Variants in UBASH3B observed in about 807,000 individuals in gnomAD.
UBASH3B encodes the protein ubiquitin associated and SH3 domain containing B.
UBASH3B carries 37 observed loss-of-function variants against 83.4 expected under a neutral mutation model. That is an observed-to-expected ratio of 0.44 (90% CI 0.34 to 0.58). The LOEUF is 0.58. Among genes scored for constraint, UBASH3B ranks in the 20% least tolerant of loss-of-function variants. The pLI is 0.01. For missense variants in UBASH3B, 657 were observed against 827.2 expected, an observed-to-expected ratio of 0.79 and a Z score of 2.52; for synonymous variants, 304 against 318.3, an observed-to-expected ratio of 0.96 and a Z score of 0.48.
At chr11:122,725,994 T>C (rs1860734101) in intron 1 of UBASH3B, among the ~76,000 whole-genome samples, 1 of 152,182 alleles carries the variant, frequency 6.6e-6, no homozygotes, top group South Asian at 2.1e-4. Flanking sequence ...ACCCGGCCCC[T>C]TGTTTCATTT....
intron 1 of UBASH3B, among the ~76,000 whole-genome samples, chr11:122,744,898 T>TGTGTGTGTGTGTGTGTGC (rs1293701124): frequency 1.9e-5 from 2 of 107,802 alleles, no homozygotes; most frequent in African/African-American, 5.8e-5. Flanking sequence ...TGTGTGTGTG[T>TGTGTGTGTGTGTGTGTGC]GCGCGCGCGC....
intron 1 of UBASH3B, among the ~76,000 whole-genome samples, chr11:122,681,663 C>T (rs977954176): frequency 2.0e-5 from 3 of 151,514 alleles, no homozygotes; most frequent in Non-Finnish European, 2.9e-5. Context: ...GTAATAGGCA[C>T]AGGTTCATAT....
At chr11:122,673,552 G>A (rs1235448339) in intron 1 of UBASH3B, among the ~76,000 whole-genome samples, 22 of 152,132 alleles carry the variant, frequency 1.4e-4, no homozygotes, top group African/African-American at 4.3e-4. Context: ...CCAGCTACTC[G>A]GGAGGCTGAG....
intron 1 of UBASH3B, among the ~76,000 whole-genome samples, chr11:122,685,565 G>T (rs1384149518): frequency 6.6e-6 from 1 of 152,114 alleles, no homozygotes; most frequent in African/African-American, 2.4e-5. Flanking sequence ...CACCCAAGCT[G>T]AAGTGCAGTG....
Position 122,796,193 on chromosome 11 carries a change from G to A in UBASH3B, c.1151G>A (p.Arg384Gln), listed in dbSNP as rs780762834. Residue 384 changes from arginine (R) to glutamine (Q), a missense_variant, in exon 8 of 14, where the codon CGA becomes CAA. This residue lies in a region of UBASH3B where 573 missense variants were observed against 739.0 expected (regional missense o/e 0.78). Transcript: ENST00000284273. ...RVNSQPGPQKRCLFVCRHGER... is the reference protein window; with the variant it reads ...RVNSQPGPQKQCLFVCRHGER... ...AACAGCCAGCCCGGCCCCCAGAAGCGATGCCTTTTTGTGTGTCGGCATGGT... is the reference window on the plus strand; with the variant it reads ...AACAGCCAGCCCGGCCCCCAGAAGCAATGCCTTTTTGTGTGTCGGCATGGT... 5 of 1,614,134 alleles carry A rather than the reference G, an allele frequency of 3.1e-6. No homozygotes were observed. Among genetic ancestry groups the A allele is most frequent in the Admixed American group, 1.7e-5 (1 of 60,024 alleles).
intron 1 of UBASH3B, among the ~76,000 whole-genome samples, chr11:122,697,370 G>T (rs888325970): frequency 4.6e-5 from 7 of 152,188 alleles, no homozygotes; most frequent in Non-Finnish European, 8.8e-5. Context: ...GGAGGTGGAG[G>T]TTGCAGTGAG....
chr11:122,783,356 A>T, intron 5 of UBASH3B, 134 bp downstream of exon 5: 2 of 1,054,062 alleles, frequency 1.9e-6, no homozygotes, highest in Non-Finnish European at 2.7e-6. Flanking sequence ...CCGTTGGCTC[A>T]GGATTGTGTC....
intron 1 of UBASH3B, among the ~76,000 whole-genome samples, chr11:122,732,892 C>T (rs11605150): frequency 0.012 from 1,846 of 152,260 alleles, 38 homozygotes; most frequent in African/African-American, 0.042. Context: ...TGGCAGAATC[C>T]TACCTGCCTT....
At chr11:122,722,994 C>T (rs958174994) in intron 1 of UBASH3B, among the ~76,000 whole-genome samples, 2 of 152,146 alleles carry the variant, frequency 1.3e-5, no homozygotes, top group Non-Finnish European at 2.9e-5. Context: ...CGTGAGCCAC[C>T]GCGCCCGGCC....
At chr11:122,720,286 C>T (rs886715065) in intron 1 of UBASH3B, among the ~76,000 whole-genome samples, 2 of 152,172 alleles carry the variant, frequency 1.3e-5, no homozygotes, top group South Asian at 2.1e-4. Context: ...TTGGAGTCAC[C>T]CTTAGCGCCT....
chr11:122,724,425 G>A (rs11218776), intron 1 of UBASH3B, among the ~76,000 whole-genome samples: 1 of 152,228 alleles, frequency 6.6e-6, no homozygotes, highest in Non-Finnish European at 1.5e-5. Flanking sequence ...AGAGGGCATA[G>A]AGGCAACCAC....
intron 1 of UBASH3B, among the ~76,000 whole-genome samples, chr11:122,737,901 A>G (rs1239492126): frequency 6.6e-6 from 1 of 152,138 alleles, no homozygotes; most frequent in African/African-American, 2.4e-5. Context: ...TTACCCGGAG[A>G]GAATGAGTAG....
chr11:122,777,469 C>A (rs1403553813), intron 3 of UBASH3B, among the ~76,000 whole-genome samples: 1 of 152,210 alleles, frequency 6.6e-6, no homozygotes, highest in Non-Finnish European at 1.5e-5. Context: ...GAGGGACACA[C>A]TGGTCTGGCT....
At chr11:122,764,387 G>A (rs1439225210) in intron 1 of UBASH3B, among the ~76,000 whole-genome samples, 3 of 152,000 alleles carry the variant, frequency 2.0e-5, no homozygotes, top group South Asian at 2.1e-4. Context: ...TTCTGAAAAC[G>A]AAAAAAACGA....
At chr11:122,751,603 C>T (rs1007634111) in intron 1 of UBASH3B, among the ~76,000 whole-genome samples, 32 of 152,218 alleles carry the variant, frequency 2.1e-4, no homozygotes, top group African/African-American at 7.5e-4. Context: ...TGAGGCCTCA[C>T]ACAGGCAATG....
Position 122,813,068 on chromosome 11 carries a change from A to T in UBASH3B, c.*3182A>T, listed in dbSNP as rs1418533888. The stretch of plus-strand genomic sequence containing the variant: ...ATACTTTAACCAAAGAATTATTTTA[A>T]AGTAACCTTATATTTAAAAGATGAT... On this transcript the variant is annotated 3_prime_UTR_variant, in exon 14 of 14. Transcript: ENST00000284273. The T allele has an allele frequency of 1.3e-5, 2 of 152,642 alleles. No individual in the cohort carries two copies. The highest frequency in any genetic ancestry group is 4.8e-5 in the African/African-American group (2 of 41,470). The allele number at this position is 152,642 out of a possible 1,614,324, so 9.5% of individuals were successfully genotyped here.
intron 1 of UBASH3B, among the ~76,000 whole-genome samples, chr11:122,695,122 C>A (rs1002122262): frequency 2.6e-5 from 4 of 151,540 alleles, no homozygotes; most frequent in Non-Finnish European, 5.9e-5. Context: ...TGCTACCATG[C>A]CCGGCTAATT....
chr11:122,770,156 C>T (rs1345987608), intron 1 of UBASH3B, among the ~76,000 whole-genome samples: 1 of 152,212 alleles, frequency 6.6e-6, no homozygotes, highest in Non-Finnish European at 1.5e-5. Context: ...CAGTGCCTAC[C>T]GCCACGCATG....
chr11:122,807,518 G>A (rs1056400920), intron 12 of UBASH3B, among the ~76,000 whole-genome samples: 1 of 152,140 alleles, frequency 6.6e-6, no homozygotes, highest in Non-Finnish European at 1.5e-5. Flanking sequence ...CGGTATGTAT[G>A]TATATGTATG....
Sources: allele counts gnomAD v4.1 joint callset (sites outside exome capture counted in the v4.1 genomes callset), GRCh38; gene constraint gnomAD v4.1.1; regional missense constraint gnomAD v4.1.1; transcripts MANE v1.5; gene names NCBI Gene and HGNC (gene_info 2026-07-23, HGNC 2026-07-21).